Variants in OR2T1 observed in about 807,000 individuals in gnomAD.
OR2T1 encodes the protein olfactory receptor 2T1.
For synonymous variants in OR2T1, 186 were observed against 145.4 expected (o/e 1.28, Z -2.01); for missense variants, 440 against 390.2 (o/e 1.13, Z -1.07).
At position 248,407,169 on chromosome 1, in the gene OR2T1, A is replaced by G; in HGVS notation, c.*65A>G. ...CTGTGGTCACTGTGGCTGTGCTTTC[A>G]TCAAAAGATGAAGCAAAAAGGGAGG... is the stretch of plus-strand genomic sequence containing the variant. On this transcript the variant is annotated 3_prime_UTR_variant, in exon 2 of 2. Transcript: ENST00000642005. The G allele has an allele frequency of 1.1e-5, 16 of 1,458,984 alleles. No homozygotes were observed. Among genetic ancestry groups the G allele is most frequent in the Non-Finnish European group, 1.5e-5 (16 of 1,084,104 alleles). The allele number at this position is 1,458,984 out of a possible 1,614,324, so 90.4% of individuals were successfully genotyped here.
rs200655339 is a variant in OR2T1, at chr1:248,406,904, G to A, written c.757G>A (p.Ala253Thr). 5 of 1,613,912 alleles carry A rather than the reference G, an allele frequency of 3.1e-6. No individual in the cohort carries two copies. The highest frequency in any genetic ancestry group is 3.4e-6 in the Non-Finnish European group (4 of 1,179,950). ...GACTGTGGTGTCCTTGTTCTACGGG[G>A]CTGCCATGTACACCTACATGCTGCC... ...HMTVVSLFYG[A>T]AMYTYMLPHS... Residue 253 changes from alanine (A) to threonine (T), a missense_variant, in exon 2 of 2, where the codon GCT becomes ACT. Ala to Thr is a moderately conservative substitution (Grantham distance 58). Transcript: ENST00000642005.
chr1:248,406,803 G>T lies in OR2T1; in HGVS notation c.656G>T (p.Arg219Leu), dbSNP rs756402494. ...TCTGTAGTCCTTGCTTCCTATGCCC[G>T]AATCCTGACTACAGTTCAGTGCATG... ...PFSVVLASYA[R>L]ILTTVQCMSS... Residue 219 changes from arginine (R) to leucine (L), a missense_variant, in exon 2 of 2, where the codon CGA becomes CTA. Physicochemically the swap from Arg to Leu is moderately radical, Grantham distance 102. Transcript: ENST00000642005. The T allele has an allele frequency of 6.2e-7, 1 of 1,614,132 alleles. No homozygotes were observed. Among genetic ancestry groups the T allele is most frequent in the South Asian group, 1.1e-5 (1 of 91,082 alleles).
Position 248,406,347 on chromosome 1 carries a change from T to C in OR2T1, c.200T>C (p.Leu67Ser). The C allele has an allele frequency of 6.2e-7, 1 of 1,614,136 alleles. No individual in the cohort carries two copies. The highest frequency in any genetic ancestry group is 1.1e-5 in the South Asian group (1 of 91,076). The change falls in exon 2 of 2, where the codon TTA (leucine) becomes TCA (serine). Residue 67 changes from leucine (L) to serine (S), a missense_variant. Transcript: ENST00000642005. ...PMYFLLSHLSLIDMMYISTIV... is the reference protein window; with the variant it reads ...PMYFLLSHLSSIDMMYISTIV... ...TACTTCCTCCTCAGCCACCTTTCCTTAATTGACATGATGTATATTTCCACT... is the reference window on the plus strand; with the variant it reads ...TACTTCCTCCTCAGCCACCTTTCCTCAATTGACATGATGTATATTTCCACT...
At position 248,406,233 on chromosome 1, in the gene OR2T1, T is replaced by G. The variant is rs760216217; in HGVS notation, c.86T>G (p.Ile29Ser). 13 of 1,614,140 alleles carry G rather than the reference T, an allele frequency of 8.1e-6. No homozygotes were observed. Among genetic ancestry groups the G allele is most frequent in the Non-Finnish European group, 1.1e-5 (13 of 1,180,018 alleles). The change falls in exon 2 of 2, where the codon ATC becomes AGC. Residue 29 changes from isoleucine to serine, a missense_variant. Coordinates refer to ENST00000642005, the MANE Select transcript of OR2T1 (RefSeq NM_030904.2). ...GAAACCTCAGGTCTTATTTTTGCCA[T>G]CATCTCTATCATCTTCTTCACCGCA... Reference protein sequence around the residue: ...RKETSGLIFAIISIIFFTALM... With the variant: ...RKETSGLIFASISIIFFTALM...
chr1:248,405,704 C>T (rs1416662317), intron 1 of OR2T1, among the ~76,000 whole-genome samples: 1 of 152,156 alleles, frequency 6.6e-6, no homozygotes, highest in Non-Finnish European at 1.5e-5. Context: ...ACAGCCAGCA[C>T]CAAAGATGTT....
rs61736252 is a variant in OR2T1 at position 248,406,917 on chromosome 1, C to G, written c.770C>G (p.Thr257Ser). ...TTGTTCTACGGGGCTGCCATGTACA[C>G]CTACATGCTGCCACATTCTTACCAC... ...VSLFYGAAMYTYMLPHSYHKP... is the reference protein window; with the variant it reads ...VSLFYGAAMYSYMLPHSYHKP... Residue 257 changes from threonine (T) to serine (S), a missense_variant, in exon 2 of 2, where the codon ACC becomes AGC. Physicochemically the swap from Thr to Ser is moderately conservative, Grantham distance 58. Transcript: ENST00000642005. 1,149 of 1,614,054 alleles carry G rather than the reference C, an allele frequency of 7.1e-4. 10 individuals are homozygous for G. The African/African-American group carries it at 0.013, about 19-fold the overall frequency.
At chr1:248,405,114 A>G (rs1282513144) in intron 1 of OR2T1, among the ~76,000 whole-genome samples, 1 of 152,162 alleles carries the variant, frequency 6.6e-6, no homozygotes, top group Non-Finnish European at 1.5e-5. Flanking sequence ...TATTTAGAGG[A>G]GCACTAGACT....
At position 248,406,177 on chromosome 1, in the gene OR2T1, C is replaced by T. The variant is rs746172164; in HGVS notation, c.30C>T (p.Asp10=). Residue 10 remains aspartate (D), a synonymous_variant, in exon 2 of 2, where the codon GAC becomes GAT. Coordinates refer to ENST00000642005, the MANE Select transcript of OR2T1 (RefSeq NM_030904.2). MEEYNTSST[D]FTFMGLFNRK... is the part of the protein sequence containing the mutation. ...AAGAGTACAACACATCCTCTACAGA[C>T]TTCACTTTCATGGGGCTGTTCAACA... 2.5e-5 allele frequency: 41 copies of T among 1,614,022 alleles called. No homozygotes were observed. The highest frequency in any genetic ancestry group is 2.5e-4 in the South Asian group (23 of 91,084).
Position 248,406,432 on chromosome 1 carries a change from G to T in OR2T1, c.285G>T (p.Gly95=). 1 of 1,614,120 alleles carries T rather than the reference G, an allele frequency of 6.2e-7. No individual in the cohort carries two copies. The highest frequency in any genetic ancestry group is 1.1e-5 in the South Asian group (1 of 91,080). ...LLDQRTISFV[G]CTAQHFLYLT... ...ATCAAAGGACCATTTCCTTTGTGGG[G>T]TGCACAGCTCAACACTTCCTCTACC... Residue 95 remains glycine, a synonymous_variant, in exon 2 of 2, where the codon GGG becomes GGT. Transcript: ENST00000642005.
chr1:248,404,405 G>A (rs1015369641), intron 1 of OR2T1, among the ~76,000 whole-genome samples: 2 of 151,792 alleles, frequency 1.3e-5, no homozygotes, highest in African/African-American at 4.8e-5. Flanking sequence ...TTTCCCTTTA[G>A]AAATATATTT....
At chr1:248,406,066 A>G (rs767000037) in intron 1 of OR2T1, 49 bp from the exon 2 acceptor site, 15 of 1,613,410 alleles carry the variant, frequency 9.3e-6, no homozygotes, top group African/African-American at 1.3e-5. Flanking sequence ...CAATTAATTC[A>G]CATGTTGTTA....
intron 1 of OR2T1, 125 bp from the exon 2 acceptor site, chr1:248,405,990 T>C (rs1661545393): frequency 1.2e-5 from 19 of 1,593,884 alleles, no homozygotes; most frequent in Non-Finnish European, 1.5e-5. Context: ...TAGATATCAG[T>C]CTCAATGTGG....
rs1473513159 is a variant in OR2T1 at position 248,406,661 on chromosome 1, G to A, written c.514G>A (p.Glu172Lys). ...TMSFPFCNSR[E>K]INHFFCEAPA... is the part of the protein sequence containing the mutation. ...GAGCTTTCCCTTCTGCAATTCCCGGGAGATTAACCACTTCTTCTGTGAGGC... is the reference window on the plus strand; with the variant it reads ...GAGCTTTCCCTTCTGCAATTCCCGGAAGATTAACCACTTCTTCTGTGAGGC... Residue 172 changes from glutamate to lysine, a missense_variant, in exon 2 of 2, where the codon GAG becomes AAG. Coordinates refer to ENST00000642005, the MANE Select transcript of OR2T1 (RefSeq NM_030904.2). 6 of 1,613,998 alleles carry A rather than the reference G, an allele frequency of 3.7e-6. No homozygotes were observed. The highest frequency in any genetic ancestry group is 5.1e-6 in the Non-Finnish European group (6 of 1,180,018).
In OR2T1 at chr1:248,407,074, TC is replaced by T; in HGVS notation, c.929del (p.Pro310LeufsTer35). The T allele has an allele frequency of 6.2e-7, 1 of 1,607,094 alleles. No homozygotes were observed. ...AGAGGGCCTTGGGGAGGTTCAAGGG[TC>T]CTCAAAGGGTGTCAGGAGGTGTCTT... is the stretch of plus-strand genomic sequence containing the variant. Reference protein sequence around the residue: ...LKRALGRFKGPQRVSGGVF With the variant: ...LKRALGRFKGXQRVSGGVF On this transcript the variant is annotated frameshift_variant, in exon 2 of 2. Coordinates refer to ENST00000642005, the MANE Select transcript of OR2T1 (RefSeq NM_030904.2). LOFTEE classifies it low-confidence loss of function (END_TRUNC).
Position 248,406,910 on chromosome 1 carries a change from A to C in OR2T1, c.763A>C (p.Met255Leu), listed in dbSNP as rs1490994982. ...GGTGTCCTTGTTCTACGGGGCTGCC[A>C]TGTACACCTACATGCTGCCACATTC... is the stretch of plus-strand genomic sequence containing the variant. ...TVVSLFYGAAMYTYMLPHSYH... is the reference protein window; with the variant it reads ...TVVSLFYGAALYTYMLPHSYH... Residue 255 changes from methionine to leucine, a missense_variant, in exon 2 of 2, where the codon ATG becomes CTG. Met to Leu is a conservative substitution (Grantham distance 15). Transcript: ENST00000642005. The C allele has an allele frequency of 1.2e-6, 2 of 1,614,100 alleles. No homozygotes were observed. Among genetic ancestry groups the C allele is most frequent in the Non-Finnish European group, 1.7e-6 (2 of 1,179,982 alleles).
rs1661603362 is a variant in OR2T1 at position 248,407,844 on chromosome 1, A to ATAAG, written c.*740_*741insTAAG. Reference sequence around the variant, plus strand: ...TGTATCCTTTGTAATATCATTTATAACAAGTGGTAAACATAGGTAAGTGTT... The same window carrying ATAAG: ...TGTATCCTTTGTAATATCATTTATAATAAGCAAGTGGTAAACATAGGTAAGTGTT... On this transcript the variant is annotated 3_prime_UTR_variant, in exon 2 of 2. Coordinates refer to ENST00000642005, the MANE Select transcript of OR2T1 (RefSeq NM_030904.2). 6.6e-6 allele frequency: 1 copy of ATAAG among 152,246 alleles called. No homozygotes were observed. The highest frequency in any genetic ancestry group is 1.5e-5 in the Non-Finnish European group (1 of 68,046). The allele number at this position is 152,246 out of a possible 1,614,324, so 9.4% of individuals were successfully genotyped here.
chr1:248,403,247 T>G lies in OR2T1; in HGVS notation c.-34+2T>G, dbSNP rs937187113. 1 of 152,126 alleles carries G rather than the reference T, an allele frequency of 6.6e-6. No homozygotes were observed. Among genetic ancestry groups the G allele is most frequent in the Non-Finnish European group, 1.5e-5 (1 of 68,004 alleles). 9.4% of individuals were successfully genotyped at this position (152,126 alleles called of 1,614,324 possible). On this transcript the variant is annotated splice_donor_variant, in intron 1 of 1. Transcript: ENST00000642005. LOFTEE classifies it low-confidence loss of function (5UTR_SPLICE). ...CAGACCTTTTCTGAAGATCAGGAGG[T>G]ATTTGCAATTTAAATTCATAGATTT...
At position 248,407,009 on chromosome 1, in the gene OR2T1, A is replaced by G. The variant is rs754172864; in HGVS notation, c.862A>G (p.Ile288Val). ...TILTPMLNPL[I>V]YSLRNKDVTG... ...TCTCACACCCATGCTGAACCCCCTC[A>G]TCTACAGCCTTAGAAACAAGGATGT... The change falls in exon 2 of 2, where the codon ATC (isoleucine) becomes GTC (valine). Residue 288 changes from isoleucine to valine, a missense_variant. Transcript: ENST00000642005. The G allele has an allele frequency of 8.7e-6, 14 of 1,613,938 alleles. No individual in the cohort carries two copies. The highest frequency in any genetic ancestry group is 1.7e-5 in the Admixed American group (1 of 59,984).
In OR2T1 at chr1:248,406,868, T is replaced by C. The variant is rs1327576894; in HGVS notation, c.721T>C (p.Ser241Pro). Residue 241 changes from serine (S) to proline (P), a missense_variant, in exon 2 of 2, where the codon TCA (serine) becomes CCA (proline). Coordinates refer to ENST00000642005, the MANE Select transcript of OR2T1 (RefSeq NM_030904.2). ...EGRKKAFATC[S>P]SHMTVVSLFY... Reference sequence around the variant, plus strand: ...CAGGAAGAAGGCATTTGCCACTTGCTCATCCCACATGACTGTGGTGTCCTT... The same window carrying C: ...CAGGAAGAAGGCATTTGCCACTTGCCCATCCCACATGACTGTGGTGTCCTT... 6.2e-7 allele frequency: 1 copy of C among 1,614,158 alleles called. No individual in the cohort carries two copies. Among genetic ancestry groups the C allele is most frequent in the Non-Finnish European group, 8.5e-7 (1 of 1,180,016 alleles).
Sources: allele counts gnomAD v4.1 joint callset (sites outside exome capture counted in the v4.1 genomes callset), GRCh38; gene constraint gnomAD v4.1.1; transcripts MANE v1.5; gene names NCBI Gene and HGNC (gene_info 2026-07-23, HGNC 2026-07-21).